PES1: variants seen among roughly 807,000 people sequenced by gnomAD.
The protein encoded by PES1 is pescadillo homolog.
PES1 carries 31 observed loss-of-function variants against 77.1 expected under a neutral mutation model. The ratio of observed to expected loss-of-function variants is 0.40; its 90% CI spans 0.30 to 0.54. The LOEUF is 0.54. Among genes scored for constraint, PES1 ranks in the 20% least tolerant of loss-of-function variants. The pLI, the probability that PES1 is intolerant of heterozygous loss-of-function variation, is 0.45. For missense variants in PES1, 658 were observed against 771.7 expected, an observed-to-expected ratio of 0.85 and a Z score of 1.75; for synonymous variants, 282 against 303.0, an observed-to-expected ratio of 0.93 and a Z score of 0.72.
At chr22:30,591,749 C>G in intron 1 of PES1, 61 bp downstream of exon 1, 1 of 1,532,776 alleles carries the variant, frequency 6.5e-7, no homozygotes, top group South Asian at 1.2e-5. Flanking sequence ...AAGAGTCGAC[C>G]CCATGCTCTG....
rs1222574868 is a variant in PES1 at position 30,577,085 on chromosome 22, C to G, written c.1728G>C (p.Val576=). Residue 576 remains valine, a synonymous_variant, in exon 15 of 15, where the codon GTG becomes GTC. Coordinates refer to ENST00000354694, the MANE Select transcript of PES1 (RefSeq NM_014303.4). ...CCTTCTTGGCCTTCTTCTCAGACCT[C>G]ACCGCCTCATCGTGGGCTTTCCGCT... ...AEKRKAHDEA[V]RSEKKAKKAR... is the part of the protein sequence containing the mutation. 6.2e-7 allele frequency: 1 copy of G among 1,614,128 alleles called. No homozygotes were observed. The highest frequency in any genetic ancestry group is 2.2e-5 in the East Asian group (1 of 44,882).
chr22:30,594,070 A>T (rs558955687), upstream of PES1, among the ~76,000 whole-genome samples: 6 of 152,166 alleles, frequency 3.9e-5, no homozygotes, highest in Non-Finnish European at 7.3e-5. Context: ...TTACGGTGAA[A>T]AGCCCAGTCT....
At chr22:30,588,854 A>G (rs1038738714) in intron 2 of PES1, among the ~76,000 whole-genome samples, 2 of 151,840 alleles carry the variant, frequency 1.3e-5, no homozygotes, top group Non-Finnish European at 2.9e-5. Flanking sequence ...CAGGGCCCAC[A>G]GGCCACAGTG....
chr22:30,600,582 C>T (rs1000367825), intron 2 of PES1, among the ~76,000 whole-genome samples: 21 of 151,928 alleles, frequency 1.4e-4, no homozygotes, highest in Non-Finnish European at 2.4e-4. Flanking sequence ...TTTGGGAGGC[C>T]GAGGCCGGTG....
chr22:30,606,767 A>G, intron 1 of PES1: 1 of 733,614 alleles, frequency 1.4e-6, no homozygotes, highest in Non-Finnish European at 1.6e-6. Flanking sequence ...CAACTGAGGG[A>G]GGCGGTGCTG....
chr22:30,577,967 G>A (rs2086927762), intron 14 of PES1, among the ~76,000 whole-genome samples: 1 of 152,210 alleles, frequency 6.6e-6, no homozygotes, highest in Non-Finnish European at 1.5e-5. Context: ...TGGATGAGAA[G>A]TCCATATTAT....
intron 1 of PES1, among the ~76,000 whole-genome samples, chr22:30,589,618 T>C (rs2087149011): frequency 6.6e-6 from 1 of 152,202 alleles, no homozygotes; most frequent in Non-Finnish European, 1.5e-5. Context: ...GTGATGTAGG[T>C]GCTGTCCGAA....
At chr22:30,581,137 C>A (rs763383915) in intron 8 of PES1, 36 bp from the exon 9 acceptor site, 7 of 1,546,634 alleles carry the variant, frequency 4.5e-6, no homozygotes, top group Admixed American at 1.7e-5. Context: ...CAGTGGGGGA[C>A]CTCATGCGGG....
At chr22:30,598,038 T>C (rs907363684) in intron 2 of PES1, among the ~76,000 whole-genome samples, 2 of 151,952 alleles carry the variant, frequency 1.3e-5, no homozygotes, top group African/African-American at 4.8e-5. Context: ...CGCCCGCCAC[T>C]ACGCCCGGCT....
chr22:30,591,734 G>C, intron 1 of PES1, 76 bp downstream of exon 1: 1 of 1,494,972 alleles, frequency 6.7e-7, no homozygotes, highest in Non-Finnish European at 9.0e-7. Context: ...GACGGAGCCC[G>C]GGAAAAGAGT....
intron 2 of PES1, among the ~76,000 whole-genome samples, chr22:30,600,658 T>G (rs571601403): frequency 6.6e-6 from 1 of 151,642 alleles, no homozygotes; most frequent in Non-Finnish European, 1.5e-5. Flanking sequence ...CTACTAAAAC[T>G]ACAAAAAATT....
chr22:30,592,067 C>T (rs911683399), upstream of PES1: 2 of 1,352,518 alleles, frequency 1.5e-6, no homozygotes, highest in Admixed American at 3.7e-5. Flanking sequence ...CTTTCCCGCT[C>T]ACAATGGTTA....
chr22:30,587,267 T>C lies in PES1; in HGVS notation c.368+19A>G, dbSNP rs768989697. The C allele has an allele frequency of 7.8e-6, 12 of 1,545,596 alleles. No homozygotes were observed. The South Asian group carries it at 1.3e-4, about 17-fold the overall frequency. Reference sequence around the variant, plus strand: ...AGTAAATGAAGAAACAGCAGTGTCCTGAGGAAAGCCCGGCTCACCGTTCCT... The same window carrying C: ...AGTAAATGAAGAAACAGCAGTGTCCCGAGGAAAGCCCGGCTCACCGTTCCT... On this transcript the variant is annotated intron_variant, in intron 4 of 14. Transcript: ENST00000354694.
chr22:30,584,855 A>T, intron 4 of PES1, 138 bp from the exon 5 acceptor site: 1 of 817,056 alleles, frequency 1.2e-6, no homozygotes, highest in Non-Finnish European at 2.0e-6. Flanking sequence ...TGGCAGGAGC[A>T]GCTTCCCCAC....
rs1280756981 is a variant in PES1 at position 30,591,795 on chromosome 22, G to T, written c.24+15C>A. The T allele has an allele frequency of 1.3e-6, 2 of 1,556,978 alleles. No individual in the cohort carries two copies. The highest frequency in any genetic ancestry group is 1.7e-6 in the Non-Finnish European group (2 of 1,151,632). ...ACCCCACCCCTCGGGAATCCCCACC[G>T]TCTTTCCCAATCACCTTCTTCTTCT... On this transcript the variant is annotated intron_variant, in intron 1 of 14. Transcript: ENST00000354694.
At chr22:30,603,248 G>A (rs1027741962) in intron 2 of PES1, among the ~76,000 whole-genome samples, 2 of 152,098 alleles carry the variant, frequency 1.3e-5, no homozygotes, top group African/African-American at 4.8e-5. Flanking sequence ...CCCCCTAAAA[G>A]GTTCTTGGAG....
intron 6 of PES1, among the ~76,000 whole-genome samples, chr22:30,583,600 C>T (rs2087019633): frequency 6.6e-6 from 1 of 152,168 alleles, no homozygotes; most frequent in African/African-American, 2.4e-5. Context: ...CTCAGTGGAT[C>T]CCTGCCAACA....
chr22:30,602,038 T>G (rs757834361), intron 2 of PES1: 1 of 152,330 alleles, frequency 6.6e-6, no homozygotes, highest in African/African-American at 2.4e-5. Context: ...CCCAAAGTGC[T>G]GGGATTACAG....
intron 4 of PES1, chr22:30,585,466 C>T (rs2087068618): frequency 2.8e-6 from 1 of 359,650 alleles, no homozygotes; most frequent in Non-Finnish European, 5.8e-6. Flanking sequence ...GACCCAGACT[C>T]TTCATTTACA....
Sources: gnomAD v4.1 joint callset for allele counts (sites outside exome capture counted in the v4.1 genomes callset) on GRCh38, gnomAD v4.1.1 for gene constraint, MANE v1.5 for transcripts, NCBI Gene and HGNC (gene_info 2026-07-23, HGNC 2026-07-21) for gene names.